MAGI1: variants seen among roughly 807,000 people sequenced by gnomAD.
MAGI1 encodes the protein membrane-associated guanylate kinase, WW and PDZ domain-containing protein 1.
MAGI1 carries 58 observed loss-of-function variants against 139.9 expected under a neutral mutation model. That is an observed-to-expected ratio of 0.41 (90% CI 0.34 to 0.52). The LOEUF (loss-of-function observed/expected upper bound fraction) is 0.52, where lower values mean the gene tolerates loss of function less well. MAGI1 is among the 20% of genes least tolerant of loss of function. The pLI, the probability that MAGI1 is intolerant of heterozygous loss-of-function variation, is 0.12. For synonymous variants in MAGI1, 812 were observed against 737.9 expected (o/e 1.10, Z -1.63); for missense variants, 1,874 against 1,901.6 (o/e 0.99, Z 0.27).
At chr3:65,498,554 C>T (rs923929118) in intron 2 of MAGI1, among the ~76,000 whole-genome samples, 2 of 152,138 alleles carry the variant, frequency 1.3e-5, no homozygotes, top group Non-Finnish European at 2.9e-5. Flanking sequence ...ATATAATCTT[C>T]ACAAGAAACA....
chr3:65,882,267 A>C (rs1021121735), intron 1 of MAGI1, among the ~76,000 whole-genome samples: 5 of 152,200 alleles, frequency 3.3e-5, no homozygotes, highest in Non-Finnish European at 4.4e-5. Context: ...AACTCTGCCT[A>C]ACTTAAAGAA....
intron 2 of MAGI1, among the ~76,000 whole-genome samples, chr3:65,510,498 G>A (rs1318567159): frequency 1.3e-5 from 2 of 149,678 alleles, no homozygotes; most frequent in East Asian, 2.0e-4. Context: ...CGAGAACTAC[G>A]TGAAGAATGC....
At chr3:65,630,244 G>T (rs1439946993) in intron 1 of MAGI1, among the ~76,000 whole-genome samples, 2 of 152,210 alleles carry the variant, frequency 1.3e-5, no homozygotes, top group Non-Finnish European at 2.9e-5. Flanking sequence ...GAGCAGCAGG[G>T]TATATGCCTG....
At chr3:65,444,096 C>T (rs1241540105) in intron 7 of MAGI1, among the ~76,000 whole-genome samples, 1 of 152,058 alleles carries the variant, frequency 6.6e-6, no homozygotes, top group Non-Finnish European at 1.5e-5. Context: ...TACTTGTTTG[C>T]AAACAAAGAG....
intron 1 of MAGI1, among the ~76,000 whole-genome samples, chr3:65,961,312 A>T (rs898708612): frequency 1.3e-5 from 2 of 152,156 alleles, no homozygotes; most frequent in Non-Finnish European, 2.9e-5. Flanking sequence ...CCCATAATGC[A>T]TTTCCCCTCA....
chr3:65,692,064 C>T (rs1330321325), intron 1 of MAGI1, among the ~76,000 whole-genome samples: 1 of 152,162 alleles, frequency 6.6e-6, no homozygotes, highest in East Asian at 1.9e-4. Context: ...TCTAACACTA[C>T]TTGAGCTAAA....
chr3:65,365,314 C>G, intron 18 of MAGI1: 2 of 415,802 alleles, frequency 4.8e-6, no homozygotes, highest in Non-Finnish European at 9.3e-6. Context: ...TCTTCCAGAA[C>G]TTTAAAGTCT....
chr3:65,943,289 C>T (rs1489464780), intron 1 of MAGI1, among the ~76,000 whole-genome samples: 3 of 152,048 alleles, frequency 2.0e-5, no homozygotes, highest in Non-Finnish European at 1.5e-5. Context: ...AGAAAATCAT[C>T]TCAGGGCCAG....
chr3:65,515,862 T>TA (rs1244202012), intron 2 of MAGI1, among the ~76,000 whole-genome samples: 14 of 152,200 alleles, frequency 9.2e-5, no homozygotes, highest in African/African-American at 3.4e-4. Context: ...GCCTGGCACT[T>TA]ACATGCTTCA....
chr3:65,664,421 C>T (rs2086383376), intron 1 of MAGI1, among the ~76,000 whole-genome samples: 1 of 152,092 alleles, frequency 6.6e-6, no homozygotes, highest in Admixed American at 6.6e-5. Context: ...TCATTTAATG[C>T]TCGTAACAAC....
At chr3:65,460,980 G>A (rs1949742328) in intron 5 of MAGI1, among the ~76,000 whole-genome samples, 1 of 152,084 alleles carries the variant, frequency 6.6e-6, no homozygotes, top group Admixed American at 6.5e-5. Flanking sequence ...CCAAGTCTTT[G>A]CTATTGTGAA....
chr3:65,478,552 T>C (rs754171150), intron 4 of MAGI1, 40 bp downstream of exon 4: 14 of 1,581,950 alleles, frequency 8.8e-6, no homozygotes, highest in Non-Finnish European at 1.2e-5. Flanking sequence ...TCGTCATCCC[T>C]TCCCCAGGTC....
At chr3:65,998,213 C>G (rs2066561395) in intron 1 of MAGI1, among the ~76,000 whole-genome samples, 1 of 152,022 alleles carries the variant, frequency 6.6e-6, no homozygotes, top group Admixed American at 6.5e-5. Context: ...CTATACTTCC[C>G]TGACTTGCTC....
In MAGI1 at chr3:65,848,835, C is replaced by T. The variant is rs919964969; in HGVS notation, c.313+189161G>A. Among the ~76,000 whole-genome samples the T allele has an allele frequency of 2.6e-5, 4 of 151,820 alleles. No homozygotes were observed. In the South Asian group the frequency reaches 8.3e-4, roughly 32 times the overall value. ...TGCCATAGTACACACCACAGCAGAT[C>T]ACCAAATGTTTCCAGCTCTCTGCTG... is the stretch of plus-strand genomic sequence containing the variant. On this transcript the variant is annotated intron_variant, in intron 1 of 22. Coordinates refer to ENST00000402939, the MANE Select transcript of MAGI1 (RefSeq NM_001033057.2).
intron 2 of MAGI1, among the ~76,000 whole-genome samples, chr3:65,573,044 CATCTT>C (rs1342244931): frequency 6.6e-6 from 1 of 152,070 alleles, no homozygotes; most frequent in Non-Finnish European, 1.5e-5. Flanking sequence ...CAAAGTTACT[CATCTT>C]ATCCCTATCT....
chr3:65,908,306 T>TA (rs1179883147), intron 1 of MAGI1, among the ~76,000 whole-genome samples: 2 of 148,780 alleles, frequency 1.3e-5, no homozygotes, highest in East Asian at 3.9e-4. Context: ...AATCCTTAAT[T>TA]TTTTTTTTTT....
At chr3:65,975,089 A>AT (rs1348962198) in intron 1 of MAGI1, among the ~76,000 whole-genome samples, 19 of 17,390 alleles carry the variant, frequency 1.1e-3, no homozygotes, top group East Asian at 4.4e-3. Flanking sequence ...GGAAATAGCT[A>AT]TTTAAAAAAA....
chr3:65,755,650 T>C (rs953404), intron 1 of MAGI1, among the ~76,000 whole-genome samples: 34,819 of 152,046 alleles, frequency 0.23, 4,474 homozygotes, highest in East Asian at 0.45. Context: ...CAACTATATA[T>C]GTTTATGGCC....
intron 2 of MAGI1, among the ~76,000 whole-genome samples, chr3:65,617,986 C>T (rs143229929): frequency 3.2e-4 from 49 of 152,166 alleles, no homozygotes; most frequent in Non-Finnish European, 5.4e-4. Context: ...AAGGAGGTCA[C>T]GGAGTGCAGC....
Sources: gnomAD v4.1 joint callset for allele counts (sites outside exome capture counted in the v4.1 genomes callset) on GRCh38, gnomAD v4.1.1 for gene constraint, MANE v1.5 for transcripts, NCBI Gene and HGNC (gene_info 2026-07-23, HGNC 2026-07-21) for gene names.